The following ADCY8 variants were observed in gnomAD, a reference collection of about 807,000 sequenced individuals.
ADCY8 encodes the protein adenylate cyclase type 8.
ADCY8 carries 51 observed loss-of-function variants against 119.7 expected under a neutral mutation model. That is an observed-to-expected ratio of 0.43 (90% CI 0.34 to 0.54). The LOEUF is 0.54. Ranked by LOEUF, ADCY8 falls within the 20% of genes least tolerant of loss-of-function variation. ADCY8 has a pLI of 0.03. For synonymous variants in ADCY8, 665 were observed against 651.0 expected, an observed-to-expected ratio of 1.02 and a Z score of -0.33; for missense variants, 1,383 against 1,598.8, an observed-to-expected ratio of 0.87 and a Z score of 2.30.
intron 8 of ADCY8, 97 bp downstream of exon 8, chr8:130,884,467 G>C (rs1818901788): frequency 6.0e-6 from 8 of 1,340,602 alleles, no homozygotes; most frequent in East Asian, 2.3e-5. Flanking sequence ...AACAAACAAA[G>C]AAACCAAAAC....
intron 1 of ADCY8, among the ~76,000 whole-genome samples, chr8:131,035,313 C>A (rs990263370): frequency 6.6e-6 from 1 of 152,076 alleles, no homozygotes; most frequent in Non-Finnish European, 1.5e-5. Context: ...GGGTTTTGAG[C>A]CTTCTGAAAG....
chr8:130,843,189 T>C (rs984508978), intron 11 of ADCY8, among the ~76,000 whole-genome samples: 23 of 152,196 alleles, frequency 1.5e-4, no homozygotes, highest in Non-Finnish European at 2.2e-4. Flanking sequence ...GATTTTACTC[T>C]GCTGAAGCAA....
chr8:130,897,139 A>G (rs1203930145), intron 7 of ADCY8, among the ~76,000 whole-genome samples: 1 of 152,000 alleles, frequency 6.6e-6, no homozygotes, highest in Non-Finnish European at 1.5e-5. Flanking sequence ...TCCTGCAGAG[A>G]TTTACTCAAA....
chr8:130,840,627 T>A (rs1055726984), intron 11 of ADCY8, among the ~76,000 whole-genome samples: 5 of 152,186 alleles, frequency 3.3e-5, no homozygotes, highest in African/African-American at 1.2e-4. Context: ...AGACATGACA[T>A]GGCTTTTGAG....
intron 3 of ADCY8, 63 bp downstream of exon 3, chr8:130,951,805 A>G: frequency 6.3e-7 from 1 of 1,591,612 alleles, no homozygotes. Context: ...CGGAAGTGCA[A>G]TGAGAGCACC....
intron 1 of ADCY8, among the ~76,000 whole-genome samples, chr8:131,023,535 G>A (rs989954283): frequency 2.0e-5 from 3 of 152,122 alleles, no homozygotes; most frequent in South Asian, 2.1e-4. Flanking sequence ...ACTTTCATAA[G>A]TTTTATATTT....
At position 130,800,697 on chromosome 8, in the gene ADCY8, C is replaced by T. The variant is rs1006833201; in HGVS notation, c.2914-125G>A. The stretch of plus-strand genomic sequence containing the variant: ...ACCCACAGAGAGACAGAAAATGAGG[C>T]TTGGATATCGTTATGTCAACAGTGT... On this transcript the variant is annotated intron_variant, in intron 14 of 17. Coordinates refer to ENST00000286355, the MANE Select transcript of ADCY8 (RefSeq NM_001115.3). 86 of 1,059,436 alleles carry T rather than the reference C, an allele frequency of 8.1e-5. 1 individual carries two copies. The highest frequency in any genetic ancestry group is 1.0e-4 in the Non-Finnish European group (75 of 727,716). 65.6% of individuals were successfully genotyped at this position (1,059,436 alleles called of 1,614,324 possible).
Position 131,010,721 on chromosome 8 carries a change from G to A in ADCY8, c.961-20179C>T, listed in dbSNP as rs187970302. On this transcript the variant is annotated intron_variant, in intron 1 of 17. Coordinates refer to ENST00000286355, the MANE Select transcript of ADCY8 (RefSeq NM_001115.3). ...GTCTCAAGCTGTGGCCGCCAATAGCGTGCTCACTCCACTGGACTCAGTGTG... is the reference window on the plus strand; with the variant it reads ...GTCTCAAGCTGTGGCCGCCAATAGCATGCTCACTCCACTGGACTCAGTGTG... Among the ~76,000 whole-genome samples the A allele has an allele frequency of 2.9e-4, 44 of 152,282 alleles. No individual in the cohort carries two copies. In the East Asian group the frequency reaches 4.2e-3, roughly 15 times the overall value.
chr8:130,826,841 C>T (rs1816682539), intron 12 of ADCY8, among the ~76,000 whole-genome samples: 1 of 150,476 alleles, frequency 6.6e-6, no homozygotes, highest in African/African-American at 2.4e-5. Flanking sequence ...CTTTTGTAAG[C>T]ATCTTCTTTG....
chr8:130,974,609 C>T (rs1266038464), intron 2 of ADCY8, among the ~76,000 whole-genome samples: 1 of 152,056 alleles, frequency 6.6e-6, no homozygotes, highest in Non-Finnish European at 1.5e-5. Flanking sequence ...ACTAAATCAT[C>T]AAGTAAAATG....
chr8:130,953,821 T>C (rs1031357543), intron 2 of ADCY8, among the ~76,000 whole-genome samples: 1 of 152,224 alleles, frequency 6.6e-6, no homozygotes, highest in Non-Finnish European at 1.5e-5. Context: ...ATTAATGAAA[T>C]GCCCATTGAA....
At chr8:130,920,885 T>C (rs1016958826) in intron 5 of ADCY8, among the ~76,000 whole-genome samples, 3 of 152,218 alleles carry the variant, frequency 2.0e-5, no homozygotes, top group African/African-American at 7.2e-5. Context: ...CAGCCTGCTT[T>C]TGGACTCAAG....
intron 14 of ADCY8, among the ~76,000 whole-genome samples, chr8:130,804,605 A>G (rs1257763989): frequency 6.6e-6 from 1 of 152,206 alleles, no homozygotes; most frequent in African/African-American, 2.4e-5. Flanking sequence ...TTGTGTAATT[A>G]TGCAGTCCAG....
In ADCY8 at chr8:130,916,099, T is replaced by G. The variant is rs115341517; in HGVS notation, c.1482-6233A>C. Among the ~76,000 whole-genome samples, 763 of 152,178 alleles carry G rather than the reference T, an allele frequency of 5.0e-3. 9 individuals carry two copies. The highest frequency in any genetic ancestry group is 0.015 in the African/African-American group (620 of 41,494). ...AGTGAGAGAACTGAGTCACGAGAGG[T>G]ATATTGCTTTACGTCACACAGTTAT... On this transcript the variant is annotated intron_variant, in intron 5 of 17. Transcript: ENST00000286355.
At chr8:130,817,753 TAAAC>T (rs1285281502) in intron 13 of ADCY8, among the ~76,000 whole-genome samples, 2 of 152,196 alleles carry the variant, frequency 1.3e-5, no homozygotes, top group African/African-American at 2.4e-5. Flanking sequence ...TGGGGAAACT[TAAAC>T]AAACTTATAG....
Position 130,992,382 on chromosome 8 carries a change from CATATATATAT to C in ADCY8, c.961-1850_961-1841del, listed in dbSNP as rs1161136558. 4.5e-3 allele frequency among the ~76,000 whole-genome samples: 352 copies of C among 78,050 alleles called. 37 individuals carry two copies. The highest frequency in any genetic ancestry group is 0.015 in the African/African-American group (277 of 18,756). 51.2% of individuals were successfully genotyped at this position (78,050 alleles called of 152,430 possible). On this transcript the variant is annotated intron_variant, in intron 1 of 17. Transcript: ENST00000286355. ...TACATACATGAGCAACTGTATCTGG[CATATATATAT>C]ATATATATATATATATATATATATA...
chr8:130,871,659 C>A (rs1036775668), intron 8 of ADCY8, among the ~76,000 whole-genome samples: 1 of 152,070 alleles, frequency 6.6e-6, no homozygotes, highest in Non-Finnish European at 1.5e-5. Context: ...GTCTTCTATT[C>A]CTCTGTACAG....
chr8:131,007,214 A>C (rs1823147848), intron 1 of ADCY8, among the ~76,000 whole-genome samples: 1 of 152,240 alleles, frequency 6.6e-6, no homozygotes, highest in Non-Finnish European at 1.5e-5. Flanking sequence ...GGAGGAAATA[A>C]GAAGACTATA....
chr8:130,933,742 A>T (rs1820702941), intron 5 of ADCY8, among the ~76,000 whole-genome samples: 1 of 152,244 alleles, frequency 6.6e-6, no homozygotes, highest in Non-Finnish European at 1.5e-5. Context: ...CCTCTCCAGA[A>T]AGAGAAATAA....
Sources: gnomAD v4.1 joint callset for allele counts (sites outside exome capture counted in the v4.1 genomes callset) on GRCh38, gnomAD v4.1.1 for gene constraint, MANE v1.5 for transcripts, NCBI Gene and HGNC (gene_info 2026-07-23, HGNC 2026-07-21) for gene names.